The following CARS1 variants were observed in gnomAD, a reference collection of about 807,000 sequenced individuals.
CARS1 encodes cysteinyl-tRNA synthetase 1.
CARS1 carries 48 observed loss-of-function variants against 106.2 expected under a neutral mutation model. That is an observed-to-expected ratio of 0.45 (90% confidence interval 0.36 to 0.57). The LOEUF (loss-of-function observed/expected upper bound fraction) is 0.57, where lower values mean the gene tolerates loss of function less well. Among genes scored for constraint, CARS1 ranks in the 20% least tolerant of loss-of-function variants. The pLI is 0.00. For missense variants in CARS1, 968 were observed against 1,057.2 expected (o/e 0.92, Z 1.17); for synonymous variants, 409 against 403.4 (o/e 1.01, Z -0.17).
chr11:3,018,880 G>T, intron 12 of CARS1, 131 bp from the exon 13 acceptor site: 1 of 1,282,702 alleles, frequency 7.8e-7, no homozygotes, highest in East Asian at 2.5e-5. Flanking sequence ...GTGCAGGCAG[G>T]GCTTGGAAGG....
rs1381206736 is a variant in CARS1 at position 3,028,860 on chromosome 11, T to C, written c.1031+136A>G. 2 of 686,058 alleles carry C rather than the reference T, an allele frequency of 2.9e-6. No homozygotes were observed. Among genetic ancestry groups the C allele is most frequent in the African/African-American group, 3.5e-5 (2 of 56,624 alleles). 42.5% of individuals were successfully genotyped at this position (686,058 alleles called of 1,614,324 possible). A position where few individuals can be genotyped will look rare whatever the true frequency, so the allele number is the denominator to read the frequency against. On this transcript the variant is annotated intron_variant, in intron 9 of 22. Transcript: ENST00000380525. The surrounding 1 kb of genome is among the most constrained non-coding windows in gnomAD (Gnocchi z 4.4). Reference sequence around the variant, plus strand: ...GTGGGCCCAGAGTTGTAGGAGGAAGTCTGCTGGGACTTCTAGCTACGCAGC... The same window carrying C: ...GTGGGCCCAGAGTTGTAGGAGGAAGCCTGCTGGGACTTCTAGCTACGCAGC...
At chr11:3,016,616 CT>C (rs1851038924) in intron 16 of CARS1, among the ~76,000 whole-genome samples, 2 of 152,084 alleles carry the variant, frequency 1.3e-5, no homozygotes, top group Admixed American at 6.6e-5. Flanking sequence ...ATGGATGTTA[CT>C]TATTTTTGTC....
intron 7 of CARS1, among the ~76,000 whole-genome samples, chr11:3,032,360 C>T (rs911256976): frequency 2.0e-5 from 3 of 152,020 alleles, no homozygotes; most frequent in Non-Finnish European, 4.4e-5. Context: ...CGTGAGCCAC[C>T]GCGCCCGGCC....
At chr11:3,035,745 C>A (rs1853528486) in intron 7 of CARS1, among the ~76,000 whole-genome samples, 1 of 152,188 alleles carries the variant, frequency 6.6e-6, no homozygotes, top group East Asian at 1.9e-4. Flanking sequence ...CCTGGCTTCC[C>A]AAAGTGCTGG....
At chr11:3,010,230 G>A (rs980977137) in intron 18 of CARS1, among the ~76,000 whole-genome samples, 5 of 152,202 alleles carry the variant, frequency 3.3e-5, no homozygotes, top group African/African-American at 9.7e-5. Flanking sequence ...CCCCTTTAGC[G>A]CCCTCCCGGG....
At chr11:3,057,254 A>C in intron 1 of CARS1, 89 bp downstream of exon 1, 1 of 1,168,214 alleles carries the variant, frequency 8.6e-7, no homozygotes, top group Non-Finnish European at 1.3e-6. Flanking sequence ...GGCCCCTCAG[A>C]CATAAGGACT....
In CARS1 at chr11:3,037,210, A is replaced by T. The variant is rs1223320868; in HGVS notation, c.801+840T>A. On this transcript the variant is annotated intron_variant, in intron 7 of 22. Transcript: ENST00000380525. This position sits in a 1 kb window ranked among gnomAD's most constrained non-coding sequence, Gnocchi z 5.9. ...TGAAAGCACACTGACGACTACATAC[A>T]CGTGGCGTGTTTCCGTGAAGTTTGG... Among the ~76,000 whole-genome samples, 2 of 152,182 alleles carry T rather than the reference A, an allele frequency of 1.3e-5. No homozygotes were observed. The highest frequency in any genetic ancestry group is 2.9e-5 in the Non-Finnish European group (2 of 68,030).
At position 3,019,195 on chromosome 11, in the gene CARS1, C is replaced by T. The variant is rs773017638; in HGVS notation, c.1339G>A (p.Gly447Arg). Residue 447 changes from glycine to arginine, a missense_variant, in exon 12 of 23, where the codon GGA (glycine) becomes AGA (arginine). Physicochemically the swap from Gly to Arg is moderately radical, Grantham distance 125. Transcript: ENST00000380525. The surrounding 1 kb of genome is among the most constrained non-coding windows in gnomAD (Gnocchi z 6.2). ...TLLGASMDIH[G>R]GGFDLRFPHH... ...GGGAACCGGAGGTCGAACCCACCTC[C>T]GTGAATGTCCATCGAAGCCCCTAGG... 8.5e-6 allele frequency: 13 copies of T among 1,529,924 alleles called. No homozygotes were observed. The highest frequency in any genetic ancestry group is 2.2e-5 in the Admixed American group (1 of 44,990). 94.8% of individuals were successfully genotyped at this position (1,529,924 alleles called of 1,614,324 possible).
rs1165244151 is a variant in CARS1 at position 3,052,129 on chromosome 11, C to T, written c.26-4128G>A. Among the ~76,000 whole-genome samples, 4 of 152,240 alleles carry T rather than the reference C, an allele frequency of 2.6e-5. No homozygotes were observed. Among genetic ancestry groups the T allele is most frequent in the Non-Finnish European group, 2.9e-5 (2 of 68,036 alleles). ...AGAAAAACATCAAATGTCCTAACGG[C>T]GGCTGCAGTGGCTTTTGAGCGCTGA... On this transcript the variant is annotated intron_variant, in intron 1 of 22. Transcript: ENST00000380525. This position sits in a 1 kb window ranked among gnomAD's most constrained non-coding sequence, Gnocchi z 4.6.
At position 3,038,055 on chromosome 11, in the gene CARS1, C is replaced by G. The variant is rs1853910045; in HGVS notation, c.796G>C (p.Val266Leu). ...GGAGATGTGTGAAGCCTCACCTCCA[C>G]ACAGCTGTTGACTTCCTCTCCCGTG... ...RLTGEEVNSC[V>L]EVLLEEAKDL... The change falls in exon 7 of 23, where the codon GTG becomes CTG. Residue 266 changes from valine to leucine, a missense_variant. Coordinates refer to ENST00000380525, the MANE Select transcript of CARS1 (RefSeq NM_001014437.3). This position sits in a 1 kb window ranked among gnomAD's most constrained non-coding sequence, Gnocchi z 4.0. 6.2e-7 allele frequency: 1 copy of G among 1,612,722 alleles called. No individual in the cohort carries two copies. Among genetic ancestry groups the G allele is most frequent in the Admixed American group, 1.7e-5 (1 of 59,900 alleles).
rs1000200315 is a variant in CARS1 at position 3,057,382 on chromosome 11, G to A, written c.-15C>T. On this transcript the variant is annotated 5_prime_UTR_variant, in exon 1 of 23. Transcript: ENST00000380525. ...GAATCTGCCATGGCTGGGAATCCCG[G>A]ACCCGCAGCTGCGGCTACAGACACT... 2 of 1,609,186 alleles carry A rather than the reference G, an allele frequency of 1.2e-6. No homozygotes were observed. Among genetic ancestry groups the A allele is most frequent in the Non-Finnish European group, 1.7e-6 (2 of 1,178,038 alleles).
chr11:3,017,499 C>T lies in CARS1; in HGVS notation c.1728-204G>A. ...CCTCTACTAAAAATCTGAAATTAGC[C>T]AGGTATGGTGGCGCATGCCTGTAAC... is the stretch of plus-strand genomic sequence containing the variant. On this transcript the variant is annotated intron_variant, in intron 15 of 22. Transcript: ENST00000380525. The surrounding 1 kb of genome is among the most constrained non-coding windows in gnomAD (Gnocchi z 4.9). 1 of 581,560 alleles carries T rather than the reference C, an allele frequency of 1.7e-6. No individual in the cohort carries two copies. Among genetic ancestry groups the T allele is most frequent in the Non-Finnish European group, 3.1e-6 (1 of 326,982 alleles). 36.0% of individuals were successfully genotyped at this position (581,560 alleles called of 1,614,324 possible).
rs1853097456 is a variant in CARS1, at chr11:3,033,148, G to A, written c.802-3705C>T. On this transcript the variant is annotated intron_variant, in intron 7 of 22. Coordinates refer to ENST00000380525, the MANE Select transcript of CARS1 (RefSeq NM_001014437.3). ...TTGGTTCTTGTTTTTGTTTTTTTAA[G>A]AAACTGTATGAATAGGCTAAGCCAA... Among the ~76,000 whole-genome samples the A allele has an allele frequency of 3.3e-5, 5 of 151,640 alleles. No homozygotes were observed. In the South Asian group the frequency reaches 1.0e-3, roughly 32 times the overall value.
At chr11:3,016,492 G>A (rs376997691) in intron 16 of CARS1, among the ~76,000 whole-genome samples, 2 of 152,126 alleles carry the variant, frequency 1.3e-5, no homozygotes, top group African/African-American at 4.8e-5. Context: ...CAAAGTGCTG[G>A]GATTACAGGC....
At chr11:3,010,562 G>A (rs1031747418) in intron 18 of CARS1, among the ~76,000 whole-genome samples, 10 of 152,240 alleles carry the variant, frequency 6.6e-5, no homozygotes, top group African/African-American at 1.9e-4. Flanking sequence ...TGCGCCCACC[G>A]CTGCCTGTTA....
intron 1 of CARS1, among the ~76,000 whole-genome samples, chr11:3,055,284 C>T (rs539852057): frequency 2.6e-5 from 4 of 152,166 alleles, no homozygotes; most frequent in Non-Finnish European, 5.9e-5. Flanking sequence ...CCTCAGCCTC[C>T]GAGTAGTCAG....
rs760860687 is a variant in CARS1, at chr11:3,039,997, C to T, written c.456-66G>A. ...ATGTATAGCTTAACCTCCAACAACA[C>T]GTGTTTGAACTGCATGAGTGCATTT... On this transcript the variant is annotated intron_variant, in intron 4 of 22. Transcript: ENST00000380525. The surrounding 1 kb of genome is among the most constrained non-coding windows in gnomAD (Gnocchi z 5.6). 7.5e-6 allele frequency: 6 copies of T among 796,588 alleles called. No homozygotes were observed. The highest frequency in any genetic ancestry group is 1.8e-5 in the African/African-American group (1 of 56,058). 49.3% of individuals were successfully genotyped at this position (796,588 alleles called of 1,614,324 possible). A position where few individuals can be genotyped will look rare whatever the true frequency, so the allele number is the denominator to read the frequency against.
In CARS1 at chr11:3,050,449, G is replaced by A. The variant is rs75861343; in HGVS notation, c.26-2448C>T. On this transcript the variant is annotated intron_variant, in intron 1 of 22. Coordinates refer to ENST00000380525, the MANE Select transcript of CARS1 (RefSeq NM_001014437.3). The surrounding 1 kb of genome is among the most constrained non-coding windows in gnomAD (Gnocchi z 6.3). ...CCATAGCCAACCCACGGGAGGATCC[G>A]GGGCCTCTAACTCAAAAGAAGCTTT... Among the ~76,000 whole-genome samples, 17 of 152,224 alleles carry A rather than the reference G, an allele frequency of 1.1e-4. No homozygotes were observed. The East Asian group carries it at 1.7e-3, about 16-fold the overall frequency.
At chr11:3,032,472 C>T (rs886090980) in intron 7 of CARS1, among the ~76,000 whole-genome samples, 5 of 152,156 alleles carry the variant, frequency 3.3e-5, no homozygotes, top group Non-Finnish European at 7.3e-5. Context: ...CCTGTCAGAT[C>T]TGACGCTTCC....
Sources: gnomAD v4.1 joint callset for allele counts (sites outside exome capture counted in the v4.1 genomes callset) on GRCh38, gnomAD v4.1.1 for gene constraint, Gnocchi (gnomAD v3.1) non-coding constraint, MANE v1.5 for transcripts, NCBI Gene and HGNC (gene_info 2026-07-23, HGNC 2026-07-21) for gene names.